SYT1: variants seen among roughly 807,000 people sequenced by gnomAD.
SYT1 encodes synaptotagmin-1.
SYT1 carries 8 observed loss-of-function variants against 44.8 expected under a neutral mutation model. The ratio of observed to expected loss-of-function variants is 0.18; its 90% confidence interval spans 0.10 to 0.32. The LOEUF (loss-of-function observed/expected upper bound fraction) is 0.32, where lower values mean the gene tolerates loss of function less well. Among genes scored for constraint, SYT1 ranks in the 10% least tolerant of loss-of-function variants. SYT1 has a pLI of 1.00. For synonymous variants in SYT1, 154 were observed against 188.8 expected (o/e 0.82, Z 1.51); for missense variants, 286 against 509.3 (o/e 0.56, Z 4.22).
chr12:79,295,746 C>T (rs1168864033), intron 6 of SYT1, among the ~76,000 whole-genome samples: 1 of 152,112 alleles, frequency 6.6e-6, no homozygotes, highest in African/African-American at 2.4e-5. Context: ...TGCACAAGAG[C>T]TTTTAGCAAC....
chr12:79,242,101 TGTGA>T (rs768111598), intron 4 of SYT1, among the ~76,000 whole-genome samples: 45 of 152,304 alleles, frequency 3.0e-4, no homozygotes, highest in Non-Finnish European at 5.7e-4. Flanking sequence ...CCCCTAAAAC[TGTGA>T]GAGAATAAAT....
chr12:79,445,047 G>T (rs1870629390), intron 10 of SYT1, among the ~76,000 whole-genome samples: 2 of 152,024 alleles, frequency 1.3e-5, no homozygotes, highest in South Asian at 2.1e-4. Flanking sequence ...TGGCGCAGGT[G>T]TATATTTTCA....
chr12:79,318,153 A>G (rs1803908833), intron 8 of SYT1, among the ~76,000 whole-genome samples: 3 of 152,214 alleles, frequency 2.0e-5, no homozygotes, highest in African/African-American at 7.2e-5. Flanking sequence ...AATTACTTAG[A>G]AAGATTGAAA....
intron 4 of SYT1, among the ~76,000 whole-genome samples, chr12:79,252,180 A>T (rs1474212886): frequency 6.6e-6 from 1 of 152,190 alleles, no homozygotes; most frequent in East Asian, 1.9e-4. Flanking sequence ...TGTGAGCAAG[A>T]ACCTACTCTG....
Position 79,432,718 on chromosome 12 carries a change from A to T in SYT1, c.929-11355A>T, listed in dbSNP as rs527395405. ...AACCTCCACCTCCCAGGTTCAAGCA[A>T]TTCTCCTGGGCCAGCCTCCTGAGTA... is the stretch of plus-strand genomic sequence containing the variant. On this transcript the variant is annotated intron_variant, in intron 9 of 10. Transcript: ENST00000261205. Among the ~76,000 whole-genome samples the T allele has an allele frequency of 3.3e-5, 5 of 152,238 alleles. No homozygotes were observed. The South Asian group carries it at 1.0e-3, about 32-fold the overall frequency.
intron 8 of SYT1, among the ~76,000 whole-genome samples, chr12:79,309,941 G>A (rs552591972): frequency 9.9e-5 from 15 of 152,012 alleles, no homozygotes; most frequent in South Asian, 2.1e-4. Context: ...AGTAGGTTGC[G>A]AAAATTTTCT....
Position 79,324,819 on chromosome 12 carries a change from C to T in SYT1, c.810+25268C>T, listed in dbSNP as rs191607145. On this transcript the variant is annotated intron_variant, in intron 8 of 10. Transcript: ENST00000261205. ...TGAATATTCCATAACCTACAAAGAA[C>T]GGGACAAAAATAAATACATAAAGAC... Among the ~76,000 whole-genome samples, 287 of 151,650 alleles carry T rather than the reference C, an allele frequency of 1.9e-3. 1 individual carries two copies. Among genetic ancestry groups the T allele is most frequent in the Admixed American group, 4.7e-3 (71 of 15,238 alleles).
At chr12:79,387,081 G>T (rs1341231460) in intron 9 of SYT1, among the ~76,000 whole-genome samples, 5 of 152,090 alleles carry the variant, frequency 3.3e-5, no homozygotes, top group Non-Finnish European at 5.9e-5. Context: ...CACAATCAAG[G>T]CTAATATCTT....
rs1177494105 is a variant in SYT1, at chr12:79,450,793, C to T, written c.*1669C>T. 6.6e-6 allele frequency: 1 copy of T among 152,634 alleles called. No homozygotes were observed. Among genetic ancestry groups the T allele is most frequent in the African/African-American group, 2.4e-5 (1 of 41,462 alleles). The allele number at this position is 152,634 out of a possible 1,614,324, so 9.5% of individuals were successfully genotyped here. A position where few individuals can be genotyped will look rare whatever the true frequency, so the allele number is the denominator to read the frequency against. On this transcript the variant is annotated 3_prime_UTR_variant, in exon 11 of 11. Transcript: ENST00000261205. Reference sequence around the variant, plus strand: ...ATACATAGAATGGGGTGGAACACAGCATTTTGTCAAGCACTGTGCAATATT... The same window carrying T: ...ATACATAGAATGGGGTGGAACACAGTATTTTGTCAAGCACTGTGCAATATT...
At chr12:79,040,710 C>T (rs1488276575) in intron 2 of SYT1, among the ~76,000 whole-genome samples, 1 of 152,180 alleles carries the variant, frequency 6.6e-6, no homozygotes, top group African/African-American at 2.4e-5. Flanking sequence ...TGCCTATGTA[C>T]TGAATGGTAA....
chr12:78,874,539 G>T (rs1405717250), intron 1 of SYT1, among the ~76,000 whole-genome samples: 6 of 151,618 alleles, frequency 4.0e-5, no homozygotes, highest in African/African-American at 1.5e-4. Context: ...TTTGCAAATT[G>T]TCTGGTGCCC....
In SYT1 at chr12:79,028,772, A is replaced by G. The variant is rs1407072118; in HGVS notation, c.-83-18525A>G. On this transcript the variant is annotated intron_variant, in intron 2 of 10. Coordinates refer to ENST00000261205, the MANE Select transcript of SYT1 (RefSeq NM_005639.3). Reference sequence around the variant, plus strand: ...TTATATTCAATAAACAATGAAATGTATAAGTATTATAGTTGTATAATTGAG... The same window carrying G: ...TTATATTCAATAAACAATGAAATGTGTAAGTATTATAGTTGTATAATTGAG... Among the ~76,000 whole-genome samples the G allele has an allele frequency of 8.6e-5, 13 of 151,470 alleles. No homozygotes were observed. In the South Asian group the frequency reaches 1.7e-3, roughly 19 times the overall value.
intron 2 of SYT1, among the ~76,000 whole-genome samples, chr12:79,040,537 G>A (rs1198154779): frequency 1.1e-4 from 16 of 152,238 alleles, no homozygotes; most frequent in Admixed American, 8.5e-4. Context: ...TTTGACAGAT[G>A]AGCAGGTTGC....
intron 5 of SYT1, among the ~76,000 whole-genome samples, chr12:79,288,559 G>T (rs1225066064): frequency 6.6e-6 from 1 of 152,044 alleles, no homozygotes; most frequent in African/African-American, 2.4e-5. Context: ...CTATAGTAAG[G>T]TTTTGCAACC....
intron 3 of SYT1, among the ~76,000 whole-genome samples, chr12:79,131,356 A>T (rs1868807396): frequency 6.6e-6 from 1 of 152,066 alleles, no homozygotes; most frequent in African/African-American, 2.4e-5. Flanking sequence ...AGTGTTTTTC[A>T]TAACTCTGTC....
At chr12:79,185,500 T>C (rs557101516) in intron 3 of SYT1, among the ~76,000 whole-genome samples, 23 of 152,000 alleles carry the variant, frequency 1.5e-4, no homozygotes, top group Non-Finnish European at 2.8e-4. Flanking sequence ...CCACATTATA[T>C]CTTGTTATAT....
At chr12:79,238,895 C>T (rs534939885) in intron 4 of SYT1, among the ~76,000 whole-genome samples, 1 of 152,322 alleles carries the variant, frequency 6.6e-6, no homozygotes, top group Admixed American at 6.5e-5. Flanking sequence ...ACCTCATTAA[C>T]AAATTTGCGA....
chr12:79,385,143 T>A (rs1202398745), intron 9 of SYT1, among the ~76,000 whole-genome samples: 1 of 151,874 alleles, frequency 6.6e-6, no homozygotes, highest in Non-Finnish European at 1.5e-5. Flanking sequence ...CCCACCACCA[T>A]GCCCAGCTAA....
intron 9 of SYT1, among the ~76,000 whole-genome samples, chr12:79,383,142 T>C (rs1050912978): frequency 6.6e-6 from 1 of 152,218 alleles, no homozygotes; most frequent in Non-Finnish European, 1.5e-5. Context: ...AATTTCATCA[T>C]TGTTGTGTGA....
Sources: gnomAD v4.1 joint callset for allele counts (sites outside exome capture counted in the v4.1 genomes callset) on GRCh38, gnomAD v4.1.1 for gene constraint, MANE v1.5 for transcripts, NCBI Gene and HGNC (gene_info 2026-07-23, HGNC 2026-07-21) for gene names.